GPC6: variants seen among roughly 807,000 people sequenced by gnomAD.
GPC6 encodes the protein glypican-6.
In GPC6, 14 loss-of-function variants were observed where a neutral mutation model predicts 55.2. The ratio of observed to expected loss-of-function variants is 0.25; its 90% CI spans 0.17 to 0.40. The LOEUF is 0.40. Ranked by LOEUF, GPC6 falls within the 10% of genes least tolerant of loss-of-function variation. The probability of loss-of-function intolerance (pLI) is 1.00; values close to 1 mark genes in which losing one functional copy is unlikely to be tolerated. For missense variants in GPC6, 641 were observed against 708.5 expected, an observed-to-expected ratio of 0.90 and a Z score of 1.08; for synonymous variants, 278 against 259.6, an observed-to-expected ratio of 1.07 and a Z score of -0.68.
At chr13:94,271,467 C>T (rs1892022998) in intron 4 of GPC6, among the ~76,000 whole-genome samples, 1 of 151,860 alleles carries the variant, frequency 6.6e-6, no homozygotes, top group Non-Finnish European at 1.5e-5. Context: ...AATGACAAGT[C>T]CAGGCAAATT....
intron 4 of GPC6, among the ~76,000 whole-genome samples, chr13:94,222,580 TC>T (rs1890417700): frequency 6.6e-6 from 1 of 152,078 alleles, no homozygotes; most frequent in African/African-American, 2.4e-5. Flanking sequence ...GAAGGGCAGC[TC>T]CCTGGTTAGA....
intron 3 of GPC6, among the ~76,000 whole-genome samples, chr13:93,984,729 A>G (rs2140408317): frequency 6.6e-6 from 1 of 152,312 alleles, no homozygotes; most frequent in Middle Eastern, 3.4e-3. Context: ...AGTATTTCTA[A>G]ATTGCATCTA....
intron 2 of GPC6, among the ~76,000 whole-genome samples, chr13:93,546,579 C>G (rs1386726861): frequency 2.0e-5 from 3 of 152,168 alleles, no homozygotes; most frequent in African/African-American, 2.4e-5. Context: ...TTGTGTATAA[C>G]TATATGTGGA....
At chr13:93,850,922 C>T (rs1267012583) in intron 3 of GPC6, among the ~76,000 whole-genome samples, 1 of 151,920 alleles carries the variant, frequency 6.6e-6, no homozygotes. Flanking sequence ...AGGACTGCAC[C>T]TCTGAGCATT....
intron 4 of GPC6, among the ~76,000 whole-genome samples, chr13:94,188,761 C>CT (rs1400051441): frequency 2.0e-5 from 3 of 152,022 alleles, no homozygotes; most frequent in Non-Finnish European, 4.4e-5. Flanking sequence ...TGCACCACAC[C>CT]CCATCCCATA....
At chr13:93,859,655 T>G (rs74108902) in intron 3 of GPC6, among the ~76,000 whole-genome samples, 5,633 of 151,174 alleles carry the variant, frequency 0.037, 279 homozygotes, top group East Asian at 0.17. Flanking sequence ...GTACATATCT[T>G]TTTTGGGGAG....
chr13:93,871,395 G>A lies in GPC6; in HGVS notation c.711+40850G>A, dbSNP rs558720422. ...TAGCTCTTTAAGGTAATACAACACA[G>A]ATCAAAATATCACAGTTCGAGTTTA... On this transcript the variant is annotated intron_variant, in intron 3 of 8. Coordinates refer to ENST00000377047, the MANE Select transcript of GPC6 (RefSeq NM_005708.5). Among the ~76,000 whole-genome samples, 15 of 151,982 alleles carry A rather than the reference G, an allele frequency of 9.9e-5. No homozygotes were observed. The East Asian group carries it at 2.9e-3, about 30-fold the overall frequency.
intron 3 of GPC6, among the ~76,000 whole-genome samples, chr13:93,986,785 A>G (rs1465997552): frequency 6.6e-6 from 1 of 152,156 alleles, no homozygotes; most frequent in Non-Finnish European, 1.5e-5. Flanking sequence ...AGTATTTTAC[A>G]TTCATTTACA....
chr13:93,769,961 G>A (rs1885239296), intron 2 of GPC6, among the ~76,000 whole-genome samples: 1 of 152,146 alleles, frequency 6.6e-6, no homozygotes, highest in Admixed American at 6.6e-5. Flanking sequence ...GTAGTTGGGG[G>A]AATGGGATCA....
intron 4 of GPC6, among the ~76,000 whole-genome samples, chr13:94,162,030 C>A (rs1481845194): frequency 1.3e-5 from 2 of 152,142 alleles, no homozygotes; most frequent in Non-Finnish European, 2.9e-5. Flanking sequence ...GAAACCACCC[C>A]CATGATTCAA....
At position 93,863,773 on chromosome 13, in the gene GPC6, C is replaced by T. The variant is rs115915970; in HGVS notation, c.711+33228C>T. Reference sequence around the variant, plus strand: ...AGTACAGTTTATGAGACAAATGAGTCTAGTCCTCCACTGTCATTCTTAGAT... The same window carrying T: ...AGTACAGTTTATGAGACAAATGAGTTTAGTCCTCCACTGTCATTCTTAGAT... On this transcript the variant is annotated intron_variant, in intron 3 of 8. Coordinates refer to ENST00000377047, the MANE Select transcript of GPC6 (RefSeq NM_005708.5). 3.6e-3 allele frequency among the ~76,000 whole-genome samples: 540 copies of T among 151,756 alleles called. 1 individual carries two copies. The highest frequency in any genetic ancestry group is 0.012 in the African/African-American group (518 of 41,480).
At chr13:93,243,728 CCTGGGTAG>C (rs543229109) in intron 1 of GPC6, among the ~76,000 whole-genome samples, 345 of 152,280 alleles carry the variant, frequency 2.3e-3, no homozygotes, top group African/African-American at 8.0e-3. Flanking sequence ...CTCAAGTCCT[CCTGGGTAG>C]CTGGGGTGGT....
intron 1 of GPC6, among the ~76,000 whole-genome samples, chr13:93,348,906 T>C (rs948337908): frequency 7.2e-5 from 11 of 152,150 alleles, no homozygotes; most frequent in African/African-American, 2.7e-4. Context: ...GATATTTTTT[T>C]CCCCTCCATA....
chr13:94,077,527 G>A (rs1884960215), intron 4 of GPC6, among the ~76,000 whole-genome samples: 1 of 151,670 alleles, frequency 6.6e-6, no homozygotes, highest in African/African-American at 2.4e-5. Flanking sequence ...TAAGTGATAA[G>A]AGCATTCCTG....
At chr13:94,121,591 C>T (rs1200765679) in intron 4 of GPC6, among the ~76,000 whole-genome samples, 1 of 152,002 alleles carries the variant, frequency 6.6e-6, no homozygotes, top group Non-Finnish European at 1.5e-5. Context: ...TTAGGATACA[C>T]GGCAATACTT....
intron 2 of GPC6, among the ~76,000 whole-genome samples, chr13:93,548,393 C>G (rs577039935): frequency 3.5e-4 from 54 of 152,236 alleles, no homozygotes; most frequent in Non-Finnish European, 5.6e-4. Context: ...TACATGTGAT[C>G]CAGTCCAAGA....
At chr13:93,587,471 T>C (rs1000524127) in intron 2 of GPC6, among the ~76,000 whole-genome samples, 1 of 152,206 alleles carries the variant, frequency 6.6e-6, no homozygotes, top group Admixed American at 6.5e-5. Flanking sequence ...ATATTTTTGG[T>C]GGGAAATCAC....
intron 3 of GPC6, among the ~76,000 whole-genome samples, chr13:93,844,017 C>A (rs1888064785): frequency 6.6e-6 from 1 of 152,016 alleles, no homozygotes; most frequent in South Asian, 2.1e-4. Flanking sequence ...ATTTAATATA[C>A]AAATAGCATC....
intron 3 of GPC6, among the ~76,000 whole-genome samples, chr13:93,963,701 C>T (rs899876952): frequency 6.6e-6 from 1 of 152,162 alleles, no homozygotes; most frequent in African/African-American, 2.4e-5. Context: ...TTCATTGTTG[C>T]TGGTGACTGA....
Sources: allele counts gnomAD v4.1 joint callset (sites outside exome capture counted in the v4.1 genomes callset), GRCh38; gene constraint gnomAD v4.1.1; transcripts MANE v1.5; gene names NCBI Gene and HGNC (gene_info 2026-07-23, HGNC 2026-07-21).